The following RHBDL3 variants were observed in gnomAD, a reference collection of about 807,000 sequenced individuals.
RHBDL3 encodes the protein rhomboid-related protein 3.
Under a neutral mutation model 48.2 loss-of-function variants are expected in RHBDL3, and 28 were observed. The ratio of observed to expected loss-of-function variants is 0.58; its 90% confidence interval spans 0.43 to 0.80. The LOEUF is 0.80. RHBDL3 is among the 30% of genes least tolerant of loss of function. RHBDL3 has a pLI of 0.00. For synonymous variants in RHBDL3, 208 were observed against 232.3 expected (o/e 0.90, Z 0.95); for missense variants, 464 against 542.7 (o/e 0.85, Z 1.44).
At position 32,321,628 on chromosome 17, in the gene RHBDL3, C is replaced by T. The variant is rs1164756509; in HGVS notation, c.*399C>T. 1.2e-5 allele frequency: 4 copies of T among 341,516 alleles called. No homozygotes were observed. The East Asian group carries it at 2.1e-4, about 18-fold the overall frequency. 21.2% of individuals were successfully genotyped at this position (341,516 alleles called of 1,614,324 possible). On this transcript the variant is annotated 3_prime_UTR_variant, in exon 9 of 9. Transcript: ENST00000269051. Reference sequence around the variant, plus strand: ...AGACCCTAAGAGACATGGGAAGGCTCGAAGGTTGTTGCGTCCAGGCATGGC... The same window carrying T: ...AGACCCTAAGAGACATGGGAAGGCTTGAAGGTTGTTGCGTCCAGGCATGGC...
chr17:32,291,949 T>A (rs906387781), intron 4 of RHBDL3, among the ~76,000 whole-genome samples: 5 of 151,860 alleles, frequency 3.3e-5, no homozygotes, highest in African/African-American at 1.2e-4. Flanking sequence ...TTTTCATATT[T>A]TTAGTAGAGA....
At chr17:32,282,685 C>T (rs369956811) in intron 2 of RHBDL3, among the ~76,000 whole-genome samples, 24 of 152,052 alleles carry the variant, frequency 1.6e-4, no homozygotes, top group African/African-American at 4.6e-4. Context: ...TGCAGTGGCA[C>T]GATGTCGGCT....
intron 2 of RHBDL3, among the ~76,000 whole-genome samples, chr17:32,283,622 C>T (rs1244146620): frequency 6.6e-6 from 1 of 151,914 alleles, no homozygotes; most frequent in Non-Finnish European, 1.5e-5. Flanking sequence ...TGCGCCTGGC[C>T]CGATCCTGCC....
chr17:32,290,297 C>T (rs1353111711), intron 4 of RHBDL3, among the ~76,000 whole-genome samples: 1 of 152,180 alleles, frequency 6.6e-6, no homozygotes, highest in Admixed American at 6.5e-5. Context: ...TTTTAAACCT[C>T]CTGGCCACTC....
chr17:32,265,857 G>C lies in RHBDL3; in HGVS notation c.-333G>C, dbSNP rs1232498569. 2.0e-5 allele frequency among the ~76,000 whole-genome samples: 3 copies of C among 147,486 alleles called. No homozygotes were observed. Among genetic ancestry groups the C allele is most frequent in the Non-Finnish European group, 4.5e-5 (3 of 66,146 alleles). ...GCAGAGCGGGGGCCGCGAGAAGCGG[G>C]AAGGGAGCGCGGGGAGCGGCGGGGC... On this transcript the variant is annotated 5_prime_UTR_variant, in exon 1 of 9. Coordinates refer to ENST00000269051, the MANE Select transcript of RHBDL3 (RefSeq NM_138328.3).
chr17:32,289,953 G>T (rs984244903), intron 4 of RHBDL3, among the ~76,000 whole-genome samples: 4 of 152,220 alleles, frequency 2.6e-5, no homozygotes, highest in South Asian at 2.1e-4. Context: ...CCTGTTTGTT[G>T]TTATGGCTTC....
At chr17:32,283,352 C>G (rs756809993) in intron 2 of RHBDL3, among the ~76,000 whole-genome samples, 36 of 126,452 alleles carry the variant, frequency 2.8e-4, no homozygotes, top group Non-Finnish European at 4.7e-4. Flanking sequence ...GATGGAGTCT[C>G]GCTGTGTTGC....
rs149853111 is a variant in RHBDL3 at position 32,285,560 on chromosome 17, G to A, written c.294+743G>A. 4.6e-3 allele frequency among the ~76,000 whole-genome samples: 703 copies of A among 152,322 alleles called. 8 individuals are homozygous for A. Among genetic ancestry groups the A allele is most frequent in the African/African-American group, 0.016 (655 of 41,566 alleles). ...AGAGACTTCCCCTCACTGAGGGTTA[G>A]TGCTGCGCTATTTCAGGGGCTGCTG... is the stretch of plus-strand genomic sequence containing the variant. On this transcript the variant is annotated intron_variant, in intron 3 of 8. Transcript: ENST00000269051.
intron 2 of RHBDL3, among the ~76,000 whole-genome samples, chr17:32,280,102 G>A (rs367928653): frequency 6.6e-5 from 10 of 152,168 alleles, no homozygotes; most frequent in Non-Finnish European, 1.5e-4. Flanking sequence ...TGTGTCTTCC[G>A]CTCAGGCTGA....
At chr17:32,292,801 CAAAAAAAA>C (rs60403728) in intron 4 of RHBDL3, among the ~76,000 whole-genome samples, 1 of 77,264 alleles carries the variant, frequency 1.3e-5, no homozygotes, top group African/African-American at 5.0e-5. Flanking sequence ...GACTCCACCT[CAAAAAAAA>C]AAAAAAAAAA....
At chr17:32,289,729 C>T (rs972786441) in intron 4 of RHBDL3, among the ~76,000 whole-genome samples, 1 of 152,246 alleles carries the variant, frequency 6.6e-6, no homozygotes, top group African/African-American at 2.4e-5. Flanking sequence ...GGGTCCTCCA[C>T]TCAACAACCT....
Position 32,284,898 on chromosome 17 carries a change from T to C in RHBDL3, c.294+81T>C, listed in dbSNP as rs552091381. 3.2e-4 allele frequency: 415 copies of C among 1,277,878 alleles called. No individual in the cohort carries two copies. In the African/African-American group the frequency reaches 5.6e-3, roughly 17 times the overall value. 79.2% of individuals were successfully genotyped at this position (1,277,878 alleles called of 1,614,324 possible). On this transcript the variant is annotated intron_variant, in intron 3 of 8. Transcript: ENST00000269051. The stretch of plus-strand genomic sequence containing the variant: ...CCACACATTTAAAGGATTTAGGCAA[T>C]TCAAAGGATCTGTTGGCCTGCAGCA...
chr17:32,318,359 A>G (rs2041025845), intron 8 of RHBDL3, among the ~76,000 whole-genome samples: 1 of 148,154 alleles, frequency 6.7e-6, no homozygotes. Flanking sequence ...AGAAAAGGCC[A>G]GGCGCAGTGG....
At chr17:32,308,310 C>T (rs1167720242) in intron 7 of RHBDL3, among the ~76,000 whole-genome samples, 5 of 152,134 alleles carry the variant, frequency 3.3e-5, no homozygotes, top group Admixed American at 6.6e-5. Context: ...GGGTTGGGCG[C>T]GCTGGCTCAC....
intron 2 of RHBDL3, among the ~76,000 whole-genome samples, chr17:32,276,655 C>CCTAGCACCGGACTCCAGCG (rs1218550852): frequency 2.0e-5 from 3 of 151,782 alleles, no homozygotes; most frequent in Admixed American, 6.6e-5. Flanking sequence ...GTACTCCAGC[C>CCTAGCACCGGACTCCAGCG]CTAGCACCGG....
At chr17:32,293,168 G>T (rs1443552841) in intron 4 of RHBDL3, among the ~76,000 whole-genome samples, 4 of 149,192 alleles carry the variant, frequency 2.7e-5, no homozygotes, top group African/African-American at 1.0e-4. Context: ...CCAGGGGCTG[G>T]AGGGAGGGGG....
intron 1 of RHBDL3, chr17:32,267,655 G>GGCGGCC (rs2150683958): frequency 3.3e-6 from 1 of 306,120 alleles, no homozygotes; most frequent in Non-Finnish European, 5.7e-6. Flanking sequence ...CACCCACCTT[G>GGCGGCC]CCGCCCCCGC....
intron 8 of RHBDL3, among the ~76,000 whole-genome samples, chr17:32,320,267 CAAG>C (rs1412333236): frequency 1.3e-5 from 2 of 152,066 alleles, no homozygotes; most frequent in Non-Finnish European, 2.9e-5. Context: ...CCTGTGTCAA[CAAG>C]AACAACAAAA....
intron 8 of RHBDL3, among the ~76,000 whole-genome samples, chr17:32,320,156 A>C (rs1025396302): frequency 1.3e-5 from 2 of 151,982 alleles, no homozygotes; most frequent in Admixed American, 6.6e-5. Flanking sequence ...GGGTGCCTGT[A>C]GTCCCAGCTA....
Sources: gnomAD v4.1 joint callset for allele counts (sites outside exome capture counted in the v4.1 genomes callset) on GRCh38, gnomAD v4.1.1 for gene constraint, MANE v1.5 for transcripts, NCBI Gene and HGNC (gene_info 2026-07-23, HGNC 2026-07-21) for gene names.